MMRN1: variants seen among roughly 807,000 people sequenced by gnomAD.
MMRN1 encodes multimerin 1, also known as multimerin-1.
In MMRN1, 94 loss-of-function variants were observed where a neutral mutation model predicts 100.7. The observed-to-expected ratio is 0.93, with a 90% confidence interval of 0.79 to 1.11. MMRN1 has a LOEUF of 1.11. Among genes scored for constraint, MMRN1 ranks in the 50% least tolerant of loss-of-function variants. The pLI is 0.00. For synonymous variants in MMRN1, 575 were observed against 505.0 expected, an observed-to-expected ratio of 1.14 and a Z score of -1.86; for missense variants, 1,606 against 1,439.1, an observed-to-expected ratio of 1.12 and a Z score of -1.88.
Position 89,912,030 on chromosome 4 carries a change from G to A in MMRN1, c.830G>A (p.Gly277Glu). Residue 277 changes from glycine to glutamate, a missense_variant, in exon 3 of 8, where the codon GGG becomes GAG. Physicochemically the swap from Gly to Glu is moderately conservative, Grantham distance 98. Coordinates refer to ENST00000264790, the MANE Select transcript of MMRN1 (RefSeq NM_007351.3). ...TGGAGGTGCTGTCCTGGATACAGTG[G>A]GCCGAAATGTCAACTAAGAGGTACA... ...LDWRCCPGYS[G>E]PKCQLRAQEQ... is the part of the protein sequence containing the mutation. 6.3e-7 allele frequency: 1 copy of A among 1,597,262 alleles called. No homozygotes were observed. Among genetic ancestry groups the A allele is most frequent in the South Asian group, 1.1e-5 (1 of 89,122 alleles).
At chr4:89,896,229 A>T (rs1258326777) in intron 1 of MMRN1, among the ~76,000 whole-genome samples, 3 of 152,160 alleles carry the variant, frequency 2.0e-5, no homozygotes, top group Non-Finnish European at 4.4e-5. Flanking sequence ...AAGTGCTTAG[A>T]TGCATGCTCC....
intron 6 of MMRN1, among the ~76,000 whole-genome samples, chr4:89,944,626 G>A (rs1403911583): frequency 6.6e-6 from 1 of 152,108 alleles, no homozygotes; most frequent in African/African-American, 2.4e-5. Context: ...GCAAAGCGAT[G>A]TTAAGACGGC....
intron 1 of MMRN1, among the ~76,000 whole-genome samples, chr4:89,905,870 G>A (rs912210999): frequency 6.6e-6 from 1 of 151,546 alleles, no homozygotes. Context: ...ATACTATTGT[G>A]TCAATTAAAG....
At position 89,953,094 on chromosome 4, in the gene MMRN1, C is replaced by T. The variant is rs1200122680; in HGVS notation, c.3363C>T (p.Asn1121=). ...MTIPGPILFN[N]LDVNYGASYT... ...TACCTGGTCCTATCCTGTTTAATAACTTGGATGTCAATTATGGAGCTTCAT... is the reference window on the plus strand; with the variant it reads ...TACCTGGTCCTATCCTGTTTAATAATTTGGATGTCAATTATGGAGCTTCAT... Residue 1121 remains asparagine (N), a synonymous_variant, in exon 8 of 8, where the codon AAC becomes AAT. Coordinates refer to ENST00000264790, the MANE Select transcript of MMRN1 (RefSeq NM_007351.3). 1 of 1,613,680 alleles carries T rather than the reference C, an allele frequency of 6.2e-7. No homozygotes were observed. The highest frequency in any genetic ancestry group is 8.5e-7 in the Non-Finnish European group (1 of 1,179,852).
chr4:89,945,435 C>T (rs905400867), intron 6 of MMRN1, among the ~76,000 whole-genome samples: 4 of 152,110 alleles, frequency 2.6e-5, no homozygotes, highest in Non-Finnish European at 5.9e-5. Context: ...CTTGGCATTT[C>T]CATGAATAAT....
At chr4:89,896,308 A>G (rs937608090) in intron 1 of MMRN1, among the ~76,000 whole-genome samples, 1 of 152,204 alleles carries the variant, frequency 6.6e-6, no homozygotes, top group Non-Finnish European at 1.5e-5. Flanking sequence ...TGTTGCCATC[A>G]TGAATATGAT....
chr4:89,905,338 G>T (rs891004636), intron 1 of MMRN1, among the ~76,000 whole-genome samples: 3 of 151,128 alleles, frequency 2.0e-5, no homozygotes, highest in African/African-American at 7.3e-5. Context: ...GGTAAATTAG[G>T]AATAATATGA....
At chr4:89,905,435 G>A (rs1721533675) in intron 1 of MMRN1, among the ~76,000 whole-genome samples, 1 of 151,382 alleles carries the variant, frequency 6.6e-6, no homozygotes, top group African/African-American at 2.4e-5. Flanking sequence ...AAGCATTTAT[G>A]AATTCATTAA....
At chr4:89,909,015 CT>C (rs1416039503) in intron 1 of MMRN1, among the ~76,000 whole-genome samples, 1 of 151,412 alleles carries the variant, frequency 6.6e-6, no homozygotes, top group Non-Finnish European at 1.5e-5. Flanking sequence ...TAGCTAAACT[CT>C]GCAGGTTTCT....
rs1379594863 is a variant in MMRN1 at position 89,952,879 on chromosome 4, A to G, written c.3266-118A>G. On this transcript the variant is annotated intron_variant, in intron 7 of 7. Transcript: ENST00000264790. ...CGTGCACCTTTGCTAAGTTTGATGG[A>G]TGGCCTTTCTCTTCTGCTAAGACTT... is the stretch of plus-strand genomic sequence containing the variant. The G allele has an allele frequency of 8.4e-6, 8 of 950,270 alleles. 1 individual carries two copies. Among genetic ancestry groups the G allele is most frequent in the Middle Eastern group, 6.7e-4 (2 of 3,000 alleles). The allele number at this position is 950,270 out of a possible 1,614,324, so 58.9% of individuals were successfully genotyped here. A position where few individuals can be genotyped will look rare whatever the true frequency, so the allele number is the denominator to read the frequency against.
intron 1 of MMRN1, among the ~76,000 whole-genome samples, chr4:89,883,818 A>G (rs943316841): frequency 6.6e-6 from 1 of 152,088 alleles, no homozygotes; most frequent in Non-Finnish European, 1.5e-5. Flanking sequence ...CTTTCTCTAT[A>G]CCAAGACCAT....
At chr4:89,932,696 G>A (rs543721749) in intron 5 of MMRN1, among the ~76,000 whole-genome samples, 147 of 152,240 alleles carry the variant, frequency 9.7e-4, no homozygotes, top group African/African-American at 3.4e-3. Flanking sequence ...ACTATACATT[G>A]GTCCCTTTTA....
chr4:89,908,573 A>G (rs1199644570), intron 1 of MMRN1, among the ~76,000 whole-genome samples: 3 of 151,486 alleles, frequency 2.0e-5, no homozygotes, highest in African/African-American at 7.3e-5. Context: ...TATTAAATCT[A>G]ACACTTCTTT....
chr4:89,930,415 T>A (rs893557250), intron 5 of MMRN1, among the ~76,000 whole-genome samples: 2 of 152,162 alleles, frequency 1.3e-5, no homozygotes, highest in African/African-American at 4.8e-5. Context: ...GATTTTGTGC[T>A]GAGTTTTTGC....
chr4:89,953,261 T>C lies in MMRN1; in HGVS notation c.3530T>C (p.Ile1177Thr), dbSNP rs1299258340. Reference sequence around the variant, plus strand: ...AAGCTTGCATTTGAGTCTGAAAATATTAACAGTGAAATACACTGTGATAGG... The same window carrying C: ...AAGCTTGCATTTGAGTCTGAAAATACTAACAGTGAAATACACTGTGATAGG... ...IDKLAFESEN[I>T]NSEIHCDRVL... Residue 1177 changes from isoleucine to threonine, a missense_variant, in exon 8 of 8, where the codon ATT (isoleucine) becomes ACT (threonine). Ile to Thr is a moderately conservative substitution (Grantham distance 89, BLOSUM62 -1). Coordinates refer to ENST00000264790, the MANE Select transcript of MMRN1 (RefSeq NM_007351.3). 2.5e-6 allele frequency: 4 copies of C among 1,613,796 alleles called. No individual in the cohort carries two copies. The African/African-American group carries it at 5.3e-5, about 22-fold the overall frequency.
intron 2 of MMRN1, among the ~76,000 whole-genome samples, chr4:89,909,634 G>A (rs1240788456): frequency 1.3e-5 from 2 of 151,282 alleles, no homozygotes; most frequent in Non-Finnish European, 3.0e-5. Flanking sequence ...TGCCTTATAA[G>A]CATTCAATAA....
intron 3 of MMRN1, among the ~76,000 whole-genome samples, chr4:89,912,712 T>C (rs927937192): frequency 6.6e-6 from 1 of 151,190 alleles, no homozygotes; most frequent in African/African-American, 2.4e-5. Context: ...TTTAAATGAA[T>C]GAATATTACA....
Position 89,895,385 on chromosome 4 carries a change from A to G in MMRN1, c.414A>G (p.Thr138=), listed in dbSNP as rs1198077871. Residue 138 remains threonine, a synonymous_variant, in exon 1 of 8, where the codon ACA becomes ACG. Transcript: ENST00000264790. The stretch of plus-strand genomic sequence containing the variant: ...AATCAGTGGTCCTTTCCAATTCTAC[A>G]CTGAAATTTCTTCAGAGCTTTGCCA... ...GAESVVLSNS[T]LKFLQSFARK... 2.5e-6 allele frequency: 4 copies of G among 1,613,802 alleles called. No individual in the cohort carries two copies. The highest frequency in any genetic ancestry group is 2.2e-5 in the South Asian group (2 of 91,072).
upstream of MMRN1, among the ~76,000 whole-genome samples, chr4:89,893,078 C>A (rs945890986): frequency 9.2e-5 from 14 of 151,918 alleles, no homozygotes; most frequent in Non-Finnish European, 2.1e-4. Context: ...CACTGTAAAG[C>A]CTTTTTCTTT....
Sources: gnomAD v4.1 joint callset for allele counts (sites outside exome capture counted in the v4.1 genomes callset) on GRCh38, gnomAD v4.1.1 for gene constraint, MANE v1.5 for transcripts, NCBI Gene and HGNC (gene_info 2026-07-23, HGNC 2026-07-21) for gene names.